The following UFM1 variants were observed in gnomAD, a reference collection of about 807,000 sequenced individuals.
UFM1 encodes the protein ubiquitin-fold modifier 1.
UFM1 carries 9 observed loss-of-function variants against 15.4 expected under a neutral mutation model. That is an observed-to-expected ratio of 0.59 (90% CI 0.35 to 1.02). The LOEUF (loss-of-function observed/expected upper bound fraction) is 1.02, where lower values mean the gene tolerates loss of function less well. Ranked by LOEUF, UFM1 falls within the 50% of genes least tolerant of loss-of-function variation. UFM1 has a pLI of 0.02. For missense variants in UFM1, 98 were observed against 104.7 expected (o/e 0.94, Z 0.28); for synonymous variants, 27 against 36.3 (o/e 0.74, Z 0.92).
intron 2 of UFM1, chr13:38,350,277 AG>A (rs771245954): frequency 2.2e-5 from 34 of 1,544,316 alleles, no homozygotes; most frequent in Non-Finnish European, 2.6e-5. Context: ...CCCCGTCACG[AG>A]GGTGTGGGTG....
intron 3 of UFM1, 68 bp downstream of exon 3, chr13:38,354,364 A>T: frequency 2.1e-6 from 3 of 1,414,016 alleles, no homozygotes; most frequent in South Asian, 1.2e-5. Context: ...TGTCTTTAAG[A>T]GTTGCATGCA....
chr13:38,352,523 T>C (rs1460095493), intron 2 of UFM1, among the ~76,000 whole-genome samples: 1 of 152,208 alleles, frequency 6.6e-6, no homozygotes, highest in African/African-American at 2.4e-5. Context: ...AAAAAACAAA[T>C]GATGCCAGTA....
In UFM1 at chr13:38,350,772, T is replaced by A. The variant is rs568774838; in HGVS notation, c.59+717T>A. On this transcript the variant is annotated intron_variant, in intron 2 of 5. Transcript: ENST00000239878. ...GCAAAGAACAGGATTACAATAGAAT[T>A]TTTTGCATAATTAATTAGTACCTTG... Among the ~76,000 whole-genome samples, 17 of 152,272 alleles carry A rather than the reference T, an allele frequency of 1.1e-4. 1 individual carries two copies. In the South Asian group the frequency reaches 3.1e-3, roughly 28 times the overall value.
intron 2 of UFM1, chr13:38,350,264 T>G: frequency 2.5e-6 from 4 of 1,571,188 alleles, no homozygotes; most frequent in Non-Finnish European, 3.5e-6. Flanking sequence ...CTTGGCAGCT[T>G]GGCCCCGTCA....
intron 3 of UFM1, 99 bp downstream of exon 3, chr13:38,354,395 G>A: frequency 2.0e-6 from 2 of 999,166 alleles, no homozygotes; most frequent in Non-Finnish European, 3.0e-6. Context: ...TCATTTCCAT[G>A]TGGCTTCATT....
rs1430743477 is a variant in UFM1, at chr13:38,362,175, G to A, written c.*1397G>A. Reference sequence around the variant, plus strand: ...TCTGGCTCTTTTTAGAGCTGGAAATGTAGTGGCTTTCATTAAATACTTGCT... The same window carrying A: ...TCTGGCTCTTTTTAGAGCTGGAAATATAGTGGCTTTCATTAAATACTTGCT... On this transcript the variant is annotated 3_prime_UTR_variant, in exon 6 of 6. Coordinates refer to ENST00000239878, the MANE Select transcript of UFM1 (RefSeq NM_016617.4). The A allele has an allele frequency of 1.3e-5, 2 of 152,158 alleles. No individual in the cohort carries two copies. Among genetic ancestry groups the A allele is most frequent in the Non-Finnish European group, 2.9e-5 (2 of 68,036 alleles). The allele number at this position is 152,158 out of a possible 1,614,324, so 9.4% of individuals were successfully genotyped here. A position where few individuals can be genotyped will look rare whatever the true frequency, so the allele number is the denominator to read the frequency against.
chr13:38,353,587 A>G (rs1878961284), intron 2 of UFM1, among the ~76,000 whole-genome samples: 1 of 152,072 alleles, frequency 6.6e-6, no homozygotes, highest in African/African-American at 2.4e-5. Context: ...TTGCCGTTAT[A>G]TGAGTCAGTT....
At chr13:38,353,447 T>G (rs1415177231) in intron 2 of UFM1, among the ~76,000 whole-genome samples, 1 of 152,144 alleles carries the variant, frequency 6.6e-6, no homozygotes, top group African/African-American at 2.4e-5. Context: ...TACTGTGTCT[T>G]AAAGTGTTTT....
At chr13:38,355,528 G>A (rs980529769) in intron 3 of UFM1, among the ~76,000 whole-genome samples, 14 of 151,786 alleles carry the variant, frequency 9.2e-5, no homozygotes, top group Non-Finnish European at 1.8e-4. Context: ...TACTCATTGT[G>A]TGTCCTTTAT....
At chr13:38,350,225 G>A (rs1391184421) in intron 2 of UFM1, 170 bp downstream of exon 2, 1 of 1,608,516 alleles carries the variant, frequency 6.2e-7, no homozygotes. Flanking sequence ...CCTGCGAGGA[G>A]AGGTCCGTAC....
intron 2 of UFM1, 136 bp downstream of exon 2, chr13:38,350,191 T>G (rs761798482): frequency 1.9e-6 from 3 of 1,613,526 alleles, no homozygotes; most frequent in Non-Finnish European, 2.5e-6. Flanking sequence ...GCTCGCGCCC[T>G]TCCAGGAGCC....
chr13:38,352,094 CTT>C (rs1437172999), intron 2 of UFM1, among the ~76,000 whole-genome samples: 1 of 120,270 alleles, frequency 8.3e-6, no homozygotes, highest in Non-Finnish European at 1.7e-5. Context: ...GTTTTTTTTT[CTT>C]TCTTTCTTTT....
Position 38,361,367 on chromosome 13 carries a change from TCTAACCCTTA to T in UFM1, c.*590_*599del, listed in dbSNP as rs1879378151. 1.3e-5 allele frequency: 2 copies of T among 152,312 alleles called. No homozygotes were observed. Among genetic ancestry groups the T allele is most frequent in the East Asian group, 3.9e-4 (2 of 5,188 alleles). 9.4% of individuals were successfully genotyped at this position (152,312 alleles called of 1,614,324 possible). ...ATCAACCAAAAAATTAAAATTTTAA[TCTAACCCTTA>T]TGTGTATAAATTGGTGTCCCATACC... On this transcript the variant is annotated 3_prime_UTR_variant, in exon 6 of 6. Coordinates refer to ENST00000239878, the MANE Select transcript of UFM1 (RefSeq NM_016617.4).
chr13:38,350,141 C>T (rs921948474), intron 2 of UFM1, 86 bp downstream of exon 2: 9 of 1,614,026 alleles, frequency 5.6e-6, no homozygotes, highest in Non-Finnish European at 7.6e-6. Context: ...CAACAACTAC[C>T]CCACGCAGTC....
chr13:38,357,325 T>C (rs1879147977), intron 3 of UFM1, among the ~76,000 whole-genome samples: 1 of 151,910 alleles, frequency 6.6e-6, no homozygotes, highest in Non-Finnish European at 1.5e-5. Context: ...ATCAGTTTAT[T>C]TTGCATGTAC....
chr13:38,358,096 A>T lies in UFM1; in HGVS notation c.121A>T (p.Lys41Ter), dbSNP rs202244394. Residue 41 changes from lysine to a stop codon, truncating the protein, a stop_gained, in exon 4 of 6, where the codon AAA becomes TAA. Transcript: ENST00000239878. LOFTEE classifies it high-confidence loss of function. Reference protein sequence around the residue: ...AVLKFAAEEFKVPAATSAIIT... With the variant: ...AVLKFAAEEF The stretch of plus-strand genomic sequence containing the variant: ...ATTTTTTTTTCCTTCTATTTAGTTT[A>T]AAGTTCCTGCTGCAACAAGTGCAAT... 16 of 1,412,832 alleles carry T rather than the reference A, an allele frequency of 1.1e-5. No homozygotes were observed. The highest frequency in any genetic ancestry group is 1.2e-5 in the Non-Finnish European group (13 of 1,055,634). 87.5% of individuals were successfully genotyped at this position (1,412,832 alleles called of 1,614,324 possible).
At chr13:38,358,594 A>G (rs1566033676) in intron 4 of UFM1, among the ~76,000 whole-genome samples, 2 of 151,966 alleles carry the variant, frequency 1.3e-5, no homozygotes, top group African/African-American at 2.4e-5. Flanking sequence ...CTGATAATCA[A>G]TGATGATGGA....
At chr13:38,358,158 A>G in intron 4 of UFM1, 26 bp downstream of exon 4, 1 of 1,365,924 alleles carries the variant, frequency 7.3e-7, no homozygotes, top group South Asian at 1.6e-5. Flanking sequence ...AAAATTATGT[A>G]TTACCTCAAA....
At chr13:38,353,273 A>G (rs17057857) in intron 2 of UFM1, among the ~76,000 whole-genome samples, 4,345 of 152,186 alleles carry the variant, frequency 0.029, 236 homozygotes, top group African/African-American at 0.1. Flanking sequence ...GTATTGAGAC[A>G]CTTAAGAACA....
Sources: gnomAD v4.1 joint callset for allele counts (sites outside exome capture counted in the v4.1 genomes callset) on GRCh38, gnomAD v4.1.1 for gene constraint, MANE v1.5 for transcripts, NCBI Gene and HGNC (gene_info 2026-07-23, HGNC 2026-07-21) for gene names.